Variants in ANKRD6 observed in about 807,000 individuals in gnomAD.
ANKRD6 encodes the protein ankyrin repeat domain 6.
ANKRD6 carries 56 observed loss-of-function variants against 82.3 expected under a neutral mutation model. The ratio of observed to expected loss-of-function variants is 0.68; its 90% confidence interval spans 0.55 to 0.85. The LOEUF (loss-of-function observed/expected upper bound fraction) is 0.85. ANKRD6 is among the 40% of genes least tolerant of loss of function. The probability of loss-of-function intolerance (pLI) is 0.00; values close to 1 mark genes in which losing one functional copy is unlikely to be tolerated. For synonymous variants in ANKRD6, 347 were observed against 352.1 expected, an observed-to-expected ratio of 0.99 and a Z score of 0.16; for missense variants, 852 against 907.6, an observed-to-expected ratio of 0.94 and a Z score of 0.79.
At chr6:89,616,918 G>C (rs554134066) in intron 8 of ANKRD6, 42 of 616,652 alleles carry the variant, frequency 6.8e-5, no homozygotes, top group South Asian at 6.4e-4. Context: ...AAAGAACTCA[G>C]GGATGTCCAG....
chr6:89,588,564 C>G (rs943153696), intron 2 of ANKRD6, among the ~76,000 whole-genome samples: 2 of 152,136 alleles, frequency 1.3e-5, no homozygotes, highest in Admixed American at 6.5e-5. Context: ...TGTTACAGTC[C>G]CCAGTAGAGA....
At chr6:89,441,540 G>A (rs890950160) in intron 1 of ANKRD6, among the ~76,000 whole-genome samples, 6 of 148,700 alleles carry the variant, frequency 4.0e-5, no homozygotes, top group African/African-American at 1.5e-4. Context: ...AACAAAAAAA[G>A]CCAAACTCCT....
At chr6:89,487,799 C>A (rs1402761637) in intron 1 of ANKRD6, among the ~76,000 whole-genome samples, 10 of 152,092 alleles carry the variant, frequency 6.6e-5, no homozygotes, top group African/African-American at 1.9e-4. Context: ...CTCTTCCCTG[C>A]AACCTAGTTT....
chr6:89,474,706 C>T (rs145747988), intron 1 of ANKRD6, among the ~76,000 whole-genome samples: 1,917 of 152,236 alleles, frequency 0.013, 43 homozygotes, highest in African/African-American at 0.044. Flanking sequence ...TGTGAGCCAC[C>T]GCTCCCAGCC....
chr6:89,447,854 A>ATTTTTTTT lies in ANKRD6; in HGVS notation c.-144+14483_-144+14490dup, dbSNP rs530068070. On this transcript the variant is annotated intron_variant, in intron 1 of 15. Transcript: ENST00000339746. ...AGGCATGTGCCACCACGCCCAGCTA[A>ATTTTTTTT]TTTTTTTTTTTCAGTAGAGATGGGG... Among the ~76,000 whole-genome samples the ATTTTTTTT allele has an allele frequency of 2.7e-3, 320 of 119,004 alleles. 20 individuals carry two copies. Among genetic ancestry groups the ATTTTTTTT allele is most frequent in the African/African-American group, 0.01 (297 of 28,750 alleles). 78.1% of individuals were successfully genotyped at this position (119,004 alleles called of 152,430 possible).
At chr6:89,543,000 C>G (rs1784611019) in intron 1 of ANKRD6, among the ~76,000 whole-genome samples, 2 of 152,098 alleles carry the variant, frequency 1.3e-5, no homozygotes, top group Admixed American at 1.3e-4. Flanking sequence ...AATGAATAAC[C>G]TTTATTCAGT....
intron 1 of ANKRD6, among the ~76,000 whole-genome samples, chr6:89,539,559 A>G (rs779293472): frequency 4.6e-5 from 7 of 152,078 alleles, no homozygotes; most frequent in Non-Finnish European, 8.8e-5. Context: ...TATAGTCTGT[A>G]TATATATTTA....
intron 2 of ANKRD6, among the ~76,000 whole-genome samples, chr6:89,575,267 G>C (rs7744488): frequency 0.5 from 76,594 of 152,014 alleles, 19,953 homozygotes; most frequent in South Asian, 0.72. Flanking sequence ...CTGGCTTTGA[G>C]GGTAGCAGAT....
chr6:89,506,153 T>G (rs532060160), intron 1 of ANKRD6, among the ~76,000 whole-genome samples: 1 of 152,172 alleles, frequency 6.6e-6, no homozygotes. Flanking sequence ...ATGGTGACTA[T>G]AGTTAGTGTA....
chr6:89,565,318 G>A (rs913826027), intron 1 of ANKRD6: 1 of 152,206 alleles, frequency 6.6e-6, no homozygotes, highest in Non-Finnish European at 1.5e-5. Context: ...GGAGCAGGAT[G>A]GGTTTGCGAG....
intron 1 of ANKRD6, among the ~76,000 whole-genome samples, chr6:89,461,983 G>C (rs1166914753): frequency 6.6e-6 from 1 of 152,144 alleles, no homozygotes; most frequent in Non-Finnish European, 1.5e-5. Flanking sequence ...TGTAATCCTA[G>C]CACTTTGGGA....
At chr6:89,622,511 C>G (rs1042202239) in intron 10 of ANKRD6, among the ~76,000 whole-genome samples, 1 of 152,176 alleles carries the variant, frequency 6.6e-6, no homozygotes, top group African/African-American at 2.4e-5. Context: ...CTCATGGGGA[C>G]TAAAATTTGA....
intron 2 of ANKRD6, chr6:89,581,661 G>A (rs894576203): frequency 4.6e-5 from 7 of 152,072 alleles, no homozygotes; most frequent in Admixed American, 3.3e-4. Flanking sequence ...GGGAAAAGTG[G>A]GGGAGTGACT....
intron 1 of ANKRD6, among the ~76,000 whole-genome samples, chr6:89,544,441 C>A (rs562945081): frequency 2.6e-5 from 4 of 152,248 alleles, no homozygotes; most frequent in Non-Finnish European, 5.9e-5. Context: ...CCTGTCCGGG[C>A]ACAGTGGCTC....
At chr6:89,512,518 C>CAG (rs1384647666) in intron 1 of ANKRD6, among the ~76,000 whole-genome samples, 1 of 152,146 alleles carries the variant, frequency 6.6e-6, no homozygotes, top group African/African-American at 2.4e-5. Flanking sequence ...TTTGGGGATC[C>CAG]CATACTGTCA....
Position 89,541,475 on chromosome 6 carries a change from C to T in ANKRD6, c.-143-25359C>T, listed in dbSNP as rs530324626. Among the ~76,000 whole-genome samples the T allele has an allele frequency of 2.7e-5, 4 of 147,872 alleles. No homozygotes were observed. The South Asian group carries it at 8.6e-4, about 32-fold the overall frequency. On this transcript the variant is annotated intron_variant, in intron 1 of 15. Coordinates refer to ENST00000339746, the MANE Select transcript of ANKRD6 (RefSeq NM_001242809.2). Reference sequence around the variant, plus strand: ...TGGCGCTATCTCCGCTCACTGCAGCCTCCACATTCCGAGTTCAAGCGATTC... The same window carrying T: ...TGGCGCTATCTCCGCTCACTGCAGCTTCCACATTCCGAGTTCAAGCGATTC...
Position 89,623,449 on chromosome 6 carries a change from G to C in ANKRD6, c.937G>C (p.Ala313Pro), listed in dbSNP as rs1563130669. The C allele has an allele frequency of 1.2e-6, 2 of 1,611,070 alleles. No homozygotes were observed. The highest frequency in any genetic ancestry group is 1.7e-4 in the Middle Eastern group (1 of 6,060). Residue 313 changes from alanine (A) to proline (P), a missense_variant, in exon 11 of 16, where the codon GCT (alanine) becomes CCT (proline). Coordinates refer to ENST00000339746, the MANE Select transcript of ANKRD6 (RefSeq NM_001242809.2). ...SAGDTPSSEQ[A>P]VARKEEAREE... Reference sequence around the variant, plus strand: ...AGGAGACACCCCCAGCAGTGAACAGGCTGTGGCCAGAAAAGAAGAAGCCAG... The same window carrying C: ...AGGAGACACCCCCAGCAGTGAACAGCCTGTGGCCAGAAAAGAAGAAGCCAG...
intron 1 of ANKRD6, among the ~76,000 whole-genome samples, chr6:89,462,439 G>T (rs1007511235): frequency 3.9e-5 from 6 of 152,026 alleles, no homozygotes; most frequent in Non-Finnish European, 7.4e-5. Flanking sequence ...CTATCTGCGT[G>T]CCTTAGAAAC....
At chr6:89,616,431 G>T in intron 7 of ANKRD6, 128 bp from the exon 8 acceptor site, 1 of 760,860 alleles carries the variant, frequency 1.3e-6, no homozygotes, top group Non-Finnish European at 2.2e-6. Flanking sequence ...TTTAACAAAG[G>T]GCCCCATTTC....
Sources: allele counts gnomAD v4.1 joint callset (sites outside exome capture counted in the v4.1 genomes callset), GRCh38; gene constraint gnomAD v4.1.1; transcripts MANE v1.5; gene names NCBI Gene and HGNC (gene_info 2026-07-23, HGNC 2026-07-21).